SGCD: variants seen among roughly 807,000 people sequenced by gnomAD.
The protein encoded by SGCD is delta-sarcoglycan.
A neutral mutation model predicts 36.6 loss-of-function variants in SGCD; 18 were observed. The observed-to-expected ratio is 0.49, with a 90% CI of 0.34 to 0.73. SGCD has a LOEUF of 0.73. Ranked by LOEUF, SGCD falls within the 30% of genes least tolerant of loss-of-function variation. The pLI is 0.01. For missense variants in SGCD, 387 were observed against 346.7 expected, an observed-to-expected ratio of 1.12 and a Z score of -0.92; for synonymous variants, 133 against 130.6, an observed-to-expected ratio of 1.02 and a Z score of -0.12.
intron 4 of SGCD, among the ~76,000 whole-genome samples, chr5:156,553,961 T>A (rs528670083): frequency 3.9e-5 from 6 of 151,922 alleles, no homozygotes; most frequent in Non-Finnish European, 8.8e-5. Flanking sequence ...TCAATTATCT[T>A]GGTTATATAC....
chr5:156,582,672 G>T (rs532170002), intron 4 of SGCD, among the ~76,000 whole-genome samples: 1 of 152,282 alleles, frequency 6.6e-6, no homozygotes, highest in East Asian at 1.9e-4. Flanking sequence ...CAGGAAGCTT[G>T]ACTAGCAAAT....
Position 155,938,035 on chromosome 5 carries a change from G to C in SGCD, c.-282+67611G>C, listed in dbSNP as rs730027. ...CTCTTTCTTTGAACCACAGTGATGG[G>C]AACTGTCTCTGGTCACATACAGACA... On this transcript the variant is annotated intron_variant, in intron 1 of 9. Coordinates refer to the SGCD transcript ENST00000517913. Among the ~76,000 whole-genome samples, 572 of 152,294 alleles carry C rather than the reference G, an allele frequency of 3.8e-3. 5 individuals carry two copies. Among genetic ancestry groups the C allele is most frequent in the African/African-American group, 0.013 (553 of 41,552 alleles).
At chr5:156,650,674 T>C (rs1581333725) in intron 7 of SGCD, among the ~76,000 whole-genome samples, 1 of 152,330 alleles carries the variant, frequency 6.6e-6, no homozygotes, top group Admixed American at 6.5e-5. Flanking sequence ...TTTTGTTAGT[T>C]TTTTATGGCT....
chr5:156,424,799 AG>A (rs1260011525), intron 3 of SGCD, among the ~76,000 whole-genome samples: 1 of 152,032 alleles, frequency 6.6e-6, no homozygotes, highest in Non-Finnish European at 1.5e-5. Context: ...CACCTTTTCG[AG>A]AAGAAATCAG....
At chr5:155,941,365 G>A (rs1487411641) in intron 1 of SGCD, among the ~76,000 whole-genome samples, 1 of 152,044 alleles carries the variant, frequency 6.6e-6, no homozygotes, top group Non-Finnish European at 1.5e-5. Flanking sequence ...CAGTAAGTAG[G>A]CACATTTTCC....
At chr5:155,732,617 G>C in the SGCD span, among the ~76,000 whole-genome samples, 1 of 152,186 alleles carries the variant, frequency 6.6e-6, no homozygotes, top group Non-Finnish European at 1.5e-5. Context: ...CACCACACCA[G>C]TAGTTGTCAT....
At chr5:155,870,972 G>A (rs142039816) in intron 1 of SGCD, among the ~76,000 whole-genome samples, 31 of 152,158 alleles carry the variant, frequency 2.0e-4, no homozygotes, top group Middle Eastern at 6.8e-3. Context: ...TTGCAGGGTC[G>A]GAAAGTACAT....
At chr5:156,564,246 A>G (rs1759384813) in intron 4 of SGCD, among the ~76,000 whole-genome samples, 3 of 152,140 alleles carry the variant, frequency 2.0e-5, no homozygotes, top group Non-Finnish European at 4.4e-5. Context: ...TCAGGAGATC[A>G]AGACCATCTT....
chr5:156,032,698 C>A (rs1357125371), intron 1 of SGCD, among the ~76,000 whole-genome samples: 1 of 89,224 alleles, frequency 1.1e-5, no homozygotes, highest in East Asian at 6.7e-4. Flanking sequence ...CAGAGCAAGA[C>A]TCCGTCTCAA....
chr5:156,105,384 A>C (rs1761620545), intron 1 of SGCD, among the ~76,000 whole-genome samples: 2 of 152,236 alleles, frequency 1.3e-5, no homozygotes, highest in African/African-American at 4.8e-5. Flanking sequence ...TGGCAGACTT[A>C]TGAAGCCAAT....
rs888569892 is a variant in SGCD at position 155,941,571 on chromosome 5, TAATC to T, written c.-282+71151_-282+71154del. ...ATTTAAATAATTATATTGCTGTTAA[TAATC>T]AATATTATTTAAATAACTATAATTA... On this transcript the variant is annotated intron_variant, in intron 1 of 9. Coordinates refer to the SGCD transcript ENST00000517913. Among the ~76,000 whole-genome samples, 81 of 151,282 alleles carry T rather than the reference TAATC, an allele frequency of 5.4e-4. No homozygotes were observed. The South Asian group carries it at 6.2e-3, about 12-fold the overall frequency.
At chr5:155,875,848 A>T (rs965697955) in intron 1 of SGCD, among the ~76,000 whole-genome samples, 1 of 151,962 alleles carries the variant, frequency 6.6e-6, no homozygotes, top group Non-Finnish European at 1.5e-5. Flanking sequence ...CTTTTGGAGG[A>T]CCTGCTAGAG....
the SGCD span, among the ~76,000 whole-genome samples, chr5:155,848,896 T>G: frequency 1.3e-5 from 2 of 152,154 alleles, no homozygotes; most frequent in Non-Finnish European, 2.9e-5. Context: ...ATAAAATATA[T>G]TCGGTAAATA....
At chr5:156,217,687 CA>C (rs1401487032) in intron 3 of SGCD, among the ~76,000 whole-genome samples, 1 of 151,920 alleles carries the variant, frequency 6.6e-6, no homozygotes, top group Non-Finnish European at 1.5e-5. Context: ...TTAATTGCTT[CA>C]AAAAATTTTT....
Position 156,571,299 on chromosome 5 carries a change from G to A in SGCD, c.295-17932G>A, listed in dbSNP as rs187615238. ...GACCTCAAGTGATCCGCCTGCCTGG[G>A]CCTCCCAAAGTGCTGGGATGACAGG... On this transcript the variant is annotated intron_variant, in intron 4 of 8. Coordinates refer to ENST00000337851, the MANE Select transcript of SGCD (RefSeq NM_000337.6). 3.0e-3 allele frequency among the ~76,000 whole-genome samples: 457 copies of A among 152,288 alleles called. 4 individuals are homozygous for A. Among genetic ancestry groups the A allele is most frequent in the African/African-American group, 0.011 (437 of 41,564 alleles).
chr5:156,200,811 C>G (rs185550508), intron 3 of SGCD, among the ~76,000 whole-genome samples: 5 of 152,208 alleles, frequency 3.3e-5, no homozygotes, highest in African/African-American at 1.2e-4. Context: ...TAGTTTTATT[C>G]ACAATAGCTG....
chr5:156,399,052 G>C (rs1260256397), intron 3 of SGCD, among the ~76,000 whole-genome samples: 1 of 152,168 alleles, frequency 6.6e-6, no homozygotes, highest in African/African-American at 2.4e-5. Context: ...CATTGTATAT[G>C]AGTTTTCATG....
chr5:155,958,976 C>T (rs1459136995), intron 1 of SGCD, among the ~76,000 whole-genome samples: 1 of 152,094 alleles, frequency 6.6e-6, no homozygotes, highest in Non-Finnish European at 1.5e-5. Flanking sequence ...CCCCAGTGTC[C>T]CCCAAATTTG....
At chr5:156,320,951 A>G (rs1767647361) in intron 3 of SGCD, among the ~76,000 whole-genome samples, 2 of 152,192 alleles carry the variant, frequency 1.3e-5, no homozygotes, top group South Asian at 4.1e-4. Flanking sequence ...GGTATTATTT[A>G]TGAAATGAAC....
Sources: allele counts gnomAD v4.1 joint callset (sites outside exome capture counted in the v4.1 genomes callset), GRCh38; gene constraint gnomAD v4.1.1; transcripts MANE v1.5; gene names NCBI Gene and HGNC (gene_info 2026-07-23, HGNC 2026-07-21).